Variants in SLC25A12 observed in about 807,000 individuals in gnomAD.
The protein encoded by SLC25A12 is solute carrier family 25 member 12, also known as electrogenic aspartate/glutamate antiporter SLC25A12, mitochondrial.
SLC25A12 carries 32 observed loss-of-function variants against 83.3 expected under a neutral mutation model. The ratio of observed to expected loss-of-function variants is 0.38; its 90% CI spans 0.29 to 0.52. The LOEUF is 0.52. Ranked by LOEUF, SLC25A12 falls within the 20% of genes least tolerant of loss-of-function variation. The probability of loss-of-function intolerance (pLI) is 0.84; values close to 1 mark genes in which losing one functional copy is unlikely to be tolerated. For missense variants in SLC25A12, 611 were observed against 835.6 expected, an observed-to-expected ratio of 0.73 and a Z score of 3.31; for synonymous variants, 267 against 291.1, an observed-to-expected ratio of 0.92 and a Z score of 0.84.
chr2:171,832,002 T>C (rs909303430), intron 8 of SLC25A12, among the ~76,000 whole-genome samples: 3 of 152,160 alleles, frequency 2.0e-5, no homozygotes, highest in African/African-American at 7.2e-5. Flanking sequence ...CTCTAATTAA[T>C]TGGCTTAAGA....
intron 4 of SLC25A12, among the ~76,000 whole-genome samples, chr2:171,853,019 A>G (rs1318015634): frequency 6.6e-6 from 1 of 152,162 alleles, no homozygotes; most frequent in Non-Finnish European, 1.5e-5. Context: ...TACAGCTTTT[A>G]AAAAATGTTT....
chr2:171,878,733 G>A (rs554076544), intron 2 of SLC25A12, among the ~76,000 whole-genome samples: 1 of 152,278 alleles, frequency 6.6e-6, no homozygotes, highest in African/African-American at 2.4e-5. Context: ...ACAATATCAT[G>A]AAGTTTAGTA....
At chr2:171,847,239 G>A (rs997538708) in intron 4 of SLC25A12, among the ~76,000 whole-genome samples, 1 of 151,740 alleles carries the variant, frequency 6.6e-6, no homozygotes, top group African/African-American at 2.4e-5. Context: ...CTTCTCTTCT[G>A]TTATCATTGT....
chr2:171,862,266 G>A (rs1158273617), intron 3 of SLC25A12, among the ~76,000 whole-genome samples: 5 of 152,170 alleles, frequency 3.3e-5, no homozygotes, highest in African/African-American at 1.2e-4. Flanking sequence ...TTTCAAGTAA[G>A]CAACAGTCTA....
chr2:171,837,271 T>C lies in SLC25A12; in HGVS notation c.466-4A>G. On this transcript the variant is annotated splice_polypyrimidine_tract_variant and splice_region_variant and intron_variant, in intron 5 of 17. Transcript: ENST00000422440. ...TTGCATGTTCCAATTGCAGCTCCTG[T>C]GAGGAAATTAGAAATAGGGCATTAA... 1 of 1,613,968 alleles carries C rather than the reference T, an allele frequency of 6.2e-7. No individual in the cohort carries two copies. Among genetic ancestry groups the C allele is most frequent in the East Asian group, 2.2e-5 (1 of 44,874 alleles).
chr2:171,892,156 T>C lies in SLC25A12; in HGVS notation c.66+1049A>G, dbSNP rs144914410. Among the ~76,000 whole-genome samples, 27 of 151,944 alleles carry C rather than the reference T, an allele frequency of 1.8e-4. No individual in the cohort carries two copies. The East Asian group carries it at 4.8e-3, about 27-fold the overall frequency. ...TCTTCATAAGAACCCAGGTCCAGAA[T>C]AGAAAGTTCTCAAAAGATTTCAGAG... On this transcript the variant is annotated intron_variant, in intron 2 of 17. Transcript: ENST00000422440.
At chr2:171,836,766 T>G (rs1402073928) in intron 6 of SLC25A12, among the ~76,000 whole-genome samples, 1 of 152,138 alleles carries the variant, frequency 6.6e-6, no homozygotes, top group South Asian at 2.1e-4. Context: ...CTGGAAAAAG[T>G]AATTGCTCAC....
intron 2 of SLC25A12, among the ~76,000 whole-genome samples, chr2:171,879,055 T>C (rs1259691280): frequency 2.0e-5 from 3 of 152,228 alleles, no homozygotes; most frequent in African/African-American, 4.8e-5. Context: ...CTATCATAAA[T>C]AATACTTTAT....
intron 3 of SLC25A12, among the ~76,000 whole-genome samples, chr2:171,858,381 G>A (rs2105908048): frequency 6.6e-6 from 1 of 152,208 alleles, no homozygotes; most frequent in African/African-American, 2.4e-5. Context: ...CTGATTATGG[G>A]TTTTCTTTAA....
At chr2:171,836,940 TCACGTACACACACACACATGCA>T (rs1684569376) in intron 6 of SLC25A12, among the ~76,000 whole-genome samples, 159 bp downstream of exon 6, 2 of 148,780 alleles carry the variant, frequency 1.3e-5, no homozygotes, top group African/African-American at 2.5e-5. Flanking sequence ...ATACATACAT[TCACGTACACACACACACATGCA>T]CACACACACA....
At position 171,868,912 on chromosome 2, in the gene SLC25A12, G is replaced by A. The variant is rs1026662710; in HGVS notation, c.67-89C>T. Reference sequence around the variant, plus strand: ...TGGTTTGTGAAAAGGTAAATTAAAGGCCAGTATTAAAATCAAAATAAAGAT... The same window carrying A: ...TGGTTTGTGAAAAGGTAAATTAAAGACCAGTATTAAAATCAAAATAAAGAT... On this transcript the variant is annotated intron_variant, in intron 2 of 17. Coordinates refer to ENST00000422440, the MANE Select transcript of SLC25A12 (RefSeq NM_003705.5). The A allele has an allele frequency of 5.3e-6, 6 of 1,122,532 alleles. No homozygotes were observed. In the Admixed American group the frequency reaches 8.1e-5, roughly 15 times the overall value. The allele number at this position is 1,122,532 out of a possible 1,614,324, so 69.5% of individuals were successfully genotyped here. A position where few individuals can be genotyped will look rare whatever the true frequency, so the allele number is the denominator to read the frequency against.
intron 9 of SLC25A12, among the ~76,000 whole-genome samples, chr2:171,818,523 C>T (rs1684104525): frequency 6.6e-6 from 1 of 151,570 alleles, no homozygotes; most frequent in Non-Finnish European, 1.5e-5. Flanking sequence ...GTAATCCCAG[C>T]ACTTTGGGAG....
At chr2:171,807,983 T>C (rs989606885) in intron 13 of SLC25A12, among the ~76,000 whole-genome samples, 6 of 152,206 alleles carry the variant, frequency 3.9e-5, no homozygotes, top group East Asian at 1.9e-4. Flanking sequence ...GCAGTGTCTC[T>C]GAATTAAATG....
chr2:171,887,734 G>A (rs1685849821), intron 2 of SLC25A12, among the ~76,000 whole-genome samples: 1 of 152,180 alleles, frequency 6.6e-6, no homozygotes, highest in Non-Finnish European at 1.5e-5. Flanking sequence ...ACAGTTGTAA[G>A]GGTGGTAATG....
At chr2:171,838,670 A>G (rs1347154619) in intron 5 of SLC25A12, among the ~76,000 whole-genome samples, 2 of 152,214 alleles carry the variant, frequency 1.3e-5, no homozygotes, top group Non-Finnish European at 2.9e-5. Flanking sequence ...CTGAAGGAGT[A>G]GTGTTAGTAG....
intron 14 of SLC25A12, among the ~76,000 whole-genome samples, chr2:171,792,129 G>A (rs1031495072): frequency 1.3e-5 from 2 of 151,996 alleles, no homozygotes; most frequent in East Asian, 3.9e-4. Context: ...GTTTCCACAG[G>A]AGTAGAAAAT....
At chr2:171,807,590 A>C (rs1301011325) in intron 13 of SLC25A12, among the ~76,000 whole-genome samples, 2 of 152,228 alleles carry the variant, frequency 1.3e-5, no homozygotes, top group African/African-American at 4.8e-5. Context: ...CTGTGATAAA[A>C]ATGAGTTAGA....
intron 13 of SLC25A12, among the ~76,000 whole-genome samples, chr2:171,803,917 G>A (rs567278688): frequency 5.3e-5 from 8 of 152,208 alleles, no homozygotes; most frequent in African/African-American, 1.9e-4. Flanking sequence ...TAGCCACTTT[G>A]AAAAACAGTC....
At chr2:171,789,712 G>A (rs1003552484) in intron 15 of SLC25A12, among the ~76,000 whole-genome samples, 2 of 152,112 alleles carry the variant, frequency 1.3e-5, no homozygotes, top group African/African-American at 4.8e-5. Context: ...TGGCCAACAT[G>A]GTGAAACCCT....
Sources: allele counts gnomAD v4.1 joint callset (sites outside exome capture counted in the v4.1 genomes callset), GRCh38; gene constraint gnomAD v4.1.1; transcripts MANE v1.5; gene names NCBI Gene and HGNC (gene_info 2026-07-23, HGNC 2026-07-21).